Variants in LRP1B observed in about 807,000 individuals in gnomAD.
LRP1B encodes the protein low-density lipoprotein receptor-related protein 1B.
In LRP1B, 217 loss-of-function variants were observed where a neutral mutation model predicts 556.6. The observed-to-expected ratio is 0.39, with a 90% CI of 0.35 to 0.44. The LOEUF (loss-of-function observed/expected upper bound fraction) is 0.44, where lower values mean the gene tolerates loss of function less well. Among genes scored for constraint, LRP1B ranks in the 20% least tolerant of loss-of-function variants. LRP1B has a pLI of 1.00. For synonymous variants in LRP1B, 2,047 were observed against 1,865.8 expected (o/e 1.10, Z -2.50); for missense variants, 5,053 against 5,620.8 (o/e 0.90, Z 3.23).
At chr2:141,542,393 T>C (rs1685293248) in intron 2 of LRP1B, among the ~76,000 whole-genome samples, 1 of 152,034 alleles carries the variant, frequency 6.6e-6, no homozygotes, top group East Asian at 1.9e-4. Context: ...ATTAAAGATA[T>C]CTATTCAAAT....
rs1282012416 is a variant in LRP1B at position 142,014,730 on chromosome 2, T to C, written c.82+115918A>G. Reference sequence around the variant, plus strand: ...AGAGTTATTGGACTTTGCTACTGTGTGGTCATAGTTACATTGCAAGTGCCA... The same window carrying C: ...AGAGTTATTGGACTTTGCTACTGTGCGGTCATAGTTACATTGCAAGTGCCA... On this transcript the variant is annotated intron_variant, in intron 1 of 90. Coordinates refer to ENST00000389484, the MANE Select transcript of LRP1B (RefSeq NM_018557.3). Among the ~76,000 whole-genome samples, 3 of 152,082 alleles carry C rather than the reference T, an allele frequency of 2.0e-5. No homozygotes were observed. In the East Asian group the frequency reaches 5.8e-4, roughly 29 times the overall value.
intron 3 of LRP1B, among the ~76,000 whole-genome samples, chr2:141,458,967 T>C (rs1230749276): frequency 1.3e-5 from 2 of 152,172 alleles, no homozygotes; most frequent in Non-Finnish European, 2.9e-5. Flanking sequence ...CCTCATGCTA[T>C]AGTTAGTTGC....
chr2:140,681,936 T>G (rs1229020808), intron 41 of LRP1B, among the ~76,000 whole-genome samples: 1 of 152,146 alleles, frequency 6.6e-6, no homozygotes, highest in Non-Finnish European at 1.5e-5. Flanking sequence ...CCTAAGAAAT[T>G]TCATGAATGG....
intron 3 of LRP1B, among the ~76,000 whole-genome samples, chr2:141,259,123 GA>G (rs1684592726): frequency 6.6e-6 from 1 of 152,102 alleles, no homozygotes; most frequent in Non-Finnish European, 1.5e-5. Context: ...ATTTGATTTA[GA>G]AATAGTCAAA....
chr2:140,734,315 T>C (rs1045059247), intron 35 of LRP1B, among the ~76,000 whole-genome samples: 1 of 152,160 alleles, frequency 6.6e-6, no homozygotes, highest in Non-Finnish European at 1.5e-5. Context: ...CCTACATCAA[T>C]TTGGGGACTA....
intron 17 of LRP1B, among the ~76,000 whole-genome samples, chr2:140,983,787 G>T (rs1696841451): frequency 6.6e-6 from 1 of 151,800 alleles, no homozygotes; most frequent in Non-Finnish European, 1.5e-5. Flanking sequence ...ATGTGATAAG[G>T]TTCCTACATC....
At chr2:141,313,182 T>C (rs895184293) in intron 3 of LRP1B, among the ~76,000 whole-genome samples, 6 of 152,158 alleles carry the variant, frequency 3.9e-5, no homozygotes, top group Admixed American at 3.3e-4. Context: ...TTCTTTATGA[T>C]TAACCAAGAT....
chr2:141,014,513 T>C (rs1448151229), intron 13 of LRP1B, among the ~76,000 whole-genome samples: 1 of 152,040 alleles, frequency 6.6e-6, no homozygotes, highest in Non-Finnish European at 1.5e-5. Context: ...TTACCATAAA[T>C]AAAAACATAC....
intron 35 of LRP1B, among the ~76,000 whole-genome samples, chr2:140,727,640 AT>A (rs1348519513): frequency 2.6e-5 from 4 of 152,216 alleles, no homozygotes; most frequent in African/African-American, 9.6e-5. Context: ...AATGTGGTCA[AT>A]TTCAGAATAG....
At position 141,015,922 on chromosome 2, in the gene LRP1B, C is replaced by T. The variant is rs763370226; in HGVS notation, c.1971-7G>A. 4.3e-6 allele frequency: 7 copies of T among 1,609,204 alleles called. No individual in the cohort carries two copies. The highest frequency in any genetic ancestry group is 2.2e-5 in the East Asian group (1 of 44,722). On this transcript the variant is annotated splice_region_variant and splice_polypyrimidine_tract_variant and intron_variant, in intron 12 of 90. Transcript: ENST00000389484. ...GTCTGTCCAATACATCCAACTAAGA[C>T]ATTAAAAAAACAACAAAAATGCATA...
chr2:140,649,430 GTTCA>G (rs1684597825), intron 41 of LRP1B, among the ~76,000 whole-genome samples: 1 of 152,116 alleles, frequency 6.6e-6, no homozygotes, highest in African/African-American at 2.4e-5. Context: ...AAGTTGAAGT[GTTCA>G]TTCAATCCCA....
chr2:142,047,216 C>T (rs1231774318), intron 1 of LRP1B, among the ~76,000 whole-genome samples: 1 of 151,900 alleles, frequency 6.6e-6, no homozygotes, highest in Non-Finnish European at 1.5e-5. Context: ...AAATGGTCTC[C>T]TAGAGCTGCT....
At chr2:142,123,147 T>C (rs1423873738) in intron 1 of LRP1B, among the ~76,000 whole-genome samples, 1 of 152,020 alleles carries the variant, frequency 6.6e-6, no homozygotes, top group African/African-American at 2.4e-5. Context: ...ACAGCTTTTC[T>C]TTCTCACAAA....
At chr2:140,481,817 G>T (rs538591590) in intron 59 of LRP1B, among the ~76,000 whole-genome samples, 1 of 152,132 alleles carries the variant, frequency 6.6e-6, no homozygotes, top group East Asian at 1.9e-4. Flanking sequence ...TACTCTGTAA[G>T]TAAACTGGAT....
intron 2 of LRP1B, among the ~76,000 whole-genome samples, chr2:141,590,584 T>C (rs1687300702): frequency 6.6e-6 from 1 of 152,044 alleles, no homozygotes; most frequent in Non-Finnish European, 1.5e-5. Context: ...AGATGAGCTA[T>C]AAAAGAGTGA....
chr2:141,994,689 T>C (rs1038205136), intron 1 of LRP1B, among the ~76,000 whole-genome samples: 10 of 152,162 alleles, frequency 6.6e-5, no homozygotes, highest in Non-Finnish European at 1.2e-4. Flanking sequence ...TTGGCACTTG[T>C]CTCTGTTGCC....
chr2:141,641,999 AC>A (rs1558774458), intron 2 of LRP1B, among the ~76,000 whole-genome samples: 18 of 151,996 alleles, frequency 1.2e-4, no homozygotes, highest in Admixed American at 9.2e-4. Context: ...AAACAAACAA[AC>A]AAACAAAACC....
At chr2:141,641,723 C>G (rs1214282145) in intron 2 of LRP1B, among the ~76,000 whole-genome samples, 1 of 152,040 alleles carries the variant, frequency 6.6e-6, no homozygotes, top group East Asian at 1.9e-4. Context: ...AGATCCTATA[C>G]CTGGGTAAAA....
chr2:140,526,855 G>T (rs1052270401), intron 47 of LRP1B, among the ~76,000 whole-genome samples: 23 of 151,762 alleles, frequency 1.5e-4, no homozygotes, highest in African/African-American at 5.6e-4. Context: ...AATAGAGAGA[G>T]ACAGAGATAG....
Sources: gnomAD v4.1 joint callset for allele counts (sites outside exome capture counted in the v4.1 genomes callset) on GRCh38, gnomAD v4.1.1 for gene constraint, MANE v1.5 for transcripts, NCBI Gene and HGNC (gene_info 2026-07-23, HGNC 2026-07-21) for gene names.